SGCZ: variants seen among roughly 807,000 people sequenced by gnomAD.
SGCZ encodes the protein zeta-sarcoglycan.
A neutral mutation model predicts 41.3 loss-of-function variants in SGCZ; 40 were observed. That is an observed-to-expected ratio of 0.97 (90% CI 0.75 to 1.26). SGCZ has a LOEUF of 1.26. Ranked by LOEUF, SGCZ falls within the 50% of genes most tolerant of loss-of-function variation. The probability of loss-of-function intolerance (pLI) is 0.00; values close to 1 mark genes in which losing one functional copy is unlikely to be tolerated. For missense variants in SGCZ, 552 were observed against 369.8 expected, an observed-to-expected ratio of 1.49 and a Z score of -4.04; for synonymous variants, 206 against 137.5, an observed-to-expected ratio of 1.50 and a Z score of -3.49.
chr8:14,832,543 T>C (rs984803757), intron 1 of SGCZ, among the ~76,000 whole-genome samples: 2 of 152,130 alleles, frequency 1.3e-5, no homozygotes, highest in African/African-American at 4.8e-5. Flanking sequence ...AAATTTGTAA[T>C]TGAAGATAGA....
intron 2 of SGCZ, among the ~76,000 whole-genome samples, chr8:14,328,350 G>A (rs538609316): frequency 6.6e-6 from 1 of 152,278 alleles, no homozygotes; most frequent in Admixed American, 6.5e-5. Flanking sequence ...ATTGTTACCA[G>A]AAGGTAACAG....
rs1801573409 is a variant in SGCZ at position 14,087,969 on chromosome 8, C to T, written c.*2474G>A. 6.6e-6 allele frequency among the ~76,000 whole-genome samples: 1 copy of T among 151,866 alleles called. No homozygotes were observed. Among genetic ancestry groups the T allele is most frequent in the Non-Finnish European group, 1.5e-5 (1 of 67,806 alleles). ...CTGGATACAGTCTAAAGCTCTCAAG[C>T]TTGTAAGTTACTTTTGAATTATGTC... On this transcript the variant is annotated 3_prime_UTR_variant, in exon 8 of 8. Coordinates refer to ENST00000382080, the MANE Select transcript of SGCZ (RefSeq NM_139167.4).
intron 2 of SGCZ, among the ~76,000 whole-genome samples, chr8:14,543,707 C>A (rs77288900): frequency 1.3e-5 from 2 of 152,024 alleles, no homozygotes; most frequent in Non-Finnish European, 2.9e-5. Flanking sequence ...TTATTTAGTA[C>A]GGGCAAGGCA....
chr8:15,236,491 A>C (rs954490200), intron 1 of SGCZ, among the ~76,000 whole-genome samples: 1 of 152,032 alleles, frequency 6.6e-6, no homozygotes, highest in Non-Finnish European at 1.5e-5. Context: ...ATCCATCTGA[A>C]CCTCTGAAAT....
chr8:14,167,590 T>C (rs1221907417), intron 4 of SGCZ, among the ~76,000 whole-genome samples: 1 of 152,002 alleles, frequency 6.6e-6, no homozygotes. Flanking sequence ...GGAAAGAGAA[T>C]TGGCAAGAAA....
At chr8:14,246,049 G>C (rs901972253) in intron 3 of SGCZ, among the ~76,000 whole-genome samples, 8 of 152,130 alleles carry the variant, frequency 5.3e-5, no homozygotes, top group African/African-American at 1.7e-4. Context: ...CGATTCCTCA[G>C]GGATCTAGAA....
At chr8:14,325,729 C>G (rs1802073144) in intron 2 of SGCZ, among the ~76,000 whole-genome samples, 1 of 28,558 alleles carries the variant, frequency 3.5e-5, no homozygotes, top group Non-Finnish European at 8.4e-5. Flanking sequence ...TACACACACA[C>G]ACACACACAC....
Position 14,822,430 on chromosome 8 carries a change from T to A in SGCZ, c.40-267504A>T, listed in dbSNP as rs144121300. Among the ~76,000 whole-genome samples the A allele has an allele frequency of 3.1e-3, 469 of 152,232 alleles. 1 individual carries two copies. The highest frequency in any genetic ancestry group is 5.5e-3 in the Non-Finnish European group (371 of 67,988). ...ATACCACCCAAAGTGATCTACAAAG[T>A]TAATGCAATGCCTATCAAAATACAA... is the stretch of plus-strand genomic sequence containing the variant. On this transcript the variant is annotated intron_variant, in intron 1 of 7. Transcript: ENST00000382080.
rs1178988956 is a variant in SGCZ, at chr8:14,987,190, G to T, written c.39+250395C>A. Among the ~76,000 whole-genome samples the T allele has an allele frequency of 9.9e-5, 15 of 151,692 alleles. No homozygotes were observed. The East Asian group carries it at 2.7e-3, about 27-fold the overall frequency. ...TGAAGTTATCTTTTTGCATATTTAA[G>T]TATTATAAAATAGCACCAAAAAGTA... On this transcript the variant is annotated intron_variant, in intron 1 of 7. Coordinates refer to ENST00000382080, the MANE Select transcript of SGCZ (RefSeq NM_139167.4).
chr8:15,020,556 G>T (rs1803213574), intron 1 of SGCZ, among the ~76,000 whole-genome samples: 1 of 152,094 alleles, frequency 6.6e-6, no homozygotes, highest in African/African-American at 2.4e-5. Context: ...CTCGCCACCA[G>T]AAAATATTAA....
chr8:14,116,089 A>C (rs984365744), intron 5 of SGCZ, among the ~76,000 whole-genome samples: 6 of 152,070 alleles, frequency 3.9e-5, no homozygotes, highest in Non-Finnish European at 7.4e-5. Context: ...GGAAAATAAA[A>C]ATCAGTAAAG....
intron 4 of SGCZ, among the ~76,000 whole-genome samples, chr8:14,236,786 C>A (rs1043711941): frequency 6.6e-6 from 1 of 151,434 alleles, no homozygotes; most frequent in Non-Finnish European, 1.5e-5. Context: ...ACATGCATAT[C>A]AAAACTTTAA....
intron 5 of SGCZ, among the ~76,000 whole-genome samples, chr8:14,132,817 T>A (rs1296638999): frequency 6.6e-6 from 1 of 152,160 alleles, no homozygotes; most frequent in Non-Finnish European, 1.5e-5. Flanking sequence ...TCTGCCACCT[T>A]TTGCGAATTG....
intron 1 of SGCZ, among the ~76,000 whole-genome samples, chr8:15,205,047 A>G (rs1801016782): frequency 6.6e-6 from 1 of 152,214 alleles, no homozygotes; most frequent in Admixed American, 6.5e-5. Flanking sequence ...AATTCTAAAA[A>G]AAGTTCAAGT....
At chr8:14,911,557 T>G (rs56914041) in intron 1 of SGCZ, among the ~76,000 whole-genome samples, 4,275 of 152,068 alleles carry the variant, frequency 0.028, 205 homozygotes, top group African/African-American at 0.098. Context: ...ACAATTTTTA[T>G]AAAAATAAAA....
chr8:14,630,624 A>C (rs1485224825), intron 1 of SGCZ, among the ~76,000 whole-genome samples: 1 of 152,036 alleles, frequency 6.6e-6, no homozygotes, highest in Non-Finnish European at 1.5e-5. Context: ...AACCAACCCA[A>C]ATGTCCAAAA....
chr8:14,090,867 C>G (rs1258685614), intron 7 of SGCZ, among the ~76,000 whole-genome samples: 1 of 151,998 alleles, frequency 6.6e-6, no homozygotes, highest in Non-Finnish European at 1.5e-5. Flanking sequence ...AGCCCTCAAT[C>G]TGAAAAGCAA....
chr8:14,094,314 C>T (rs2116959347), intron 7 of SGCZ, among the ~76,000 whole-genome samples: 1 of 151,922 alleles, frequency 6.6e-6, no homozygotes, highest in African/African-American at 2.4e-5. Flanking sequence ...CAGAGAGGAC[C>T]CAGATGTGAT....
At chr8:14,242,079 A>G (rs73667116) in intron 3 of SGCZ, among the ~76,000 whole-genome samples, 4,974 of 152,262 alleles carry the variant, frequency 0.033, 274 homozygotes, top group African/African-American at 0.11. Flanking sequence ...CAGACAGACA[A>G]TAAACCAGAT....
Sources: allele counts gnomAD v4.1 joint callset (sites outside exome capture counted in the v4.1 genomes callset), GRCh38; gene constraint gnomAD v4.1.1; transcripts MANE v1.5; gene names NCBI Gene and HGNC (gene_info 2026-07-23, HGNC 2026-07-21).